CACNA2D3: variants seen among roughly 807,000 people sequenced by gnomAD.
CACNA2D3 encodes calcium voltage-gated channel auxiliary subunit alpha2delta 3.
In CACNA2D3, 60 loss-of-function variants were observed where a neutral mutation model predicts 160.6. The observed-to-expected ratio is 0.37, with a 90% CI of 0.30 to 0.46. The LOEUF (loss-of-function observed/expected upper bound fraction) is 0.46. Ranked by LOEUF, CACNA2D3 falls within the 20% of genes least tolerant of loss-of-function variation. The pLI is 1.00. For missense variants in CACNA2D3, 1,205 were observed against 1,365.0 expected (o/e 0.88, Z 1.85); for synonymous variants, 558 against 492.9 (o/e 1.13, Z -1.75).
At chr3:54,676,537 C>T (rs999260326) in intron 11 of CACNA2D3, among the ~76,000 whole-genome samples, 1 of 152,030 alleles carries the variant, frequency 6.6e-6, no homozygotes, top group African/African-American at 2.4e-5. Context: ...GTGTAGAGGG[C>T]AGAAGGGTTC....
intron 27 of CACNA2D3, among the ~76,000 whole-genome samples, chr3:54,964,387 A>G (rs1814034): frequency 0.38 from 58,475 of 151,934 alleles, 12,852 homozygotes; most frequent in East Asian, 0.56. Flanking sequence ...TGTCTAAAAC[A>G]TTACAAACCC....
chr3:54,769,021 C>T (rs1323600346), intron 13 of CACNA2D3, among the ~76,000 whole-genome samples: 1 of 152,142 alleles, frequency 6.6e-6, no homozygotes, highest in Non-Finnish European at 1.5e-5. Flanking sequence ...GCTGCTGCTT[C>T]AACAGGTACC....
intron 2 of CACNA2D3, among the ~76,000 whole-genome samples, chr3:54,315,341 A>G (rs1043174222): frequency 2.6e-5 from 4 of 152,232 alleles, no homozygotes; most frequent in Admixed American, 2.6e-4. Flanking sequence ...GTGACTTCAC[A>G]TGTGACCTGA....
At chr3:54,187,074 T>G (rs1399876270) in intron 2 of CACNA2D3, among the ~76,000 whole-genome samples, 1 of 152,222 alleles carries the variant, frequency 6.6e-6, no homozygotes, top group Admixed American at 6.5e-5. Flanking sequence ...CTCCTGCTGC[T>G]GCTGTCCCTG....
At chr3:54,415,002 G>A (rs1017811125) in intron 4 of CACNA2D3, among the ~76,000 whole-genome samples, 2 of 151,916 alleles carry the variant, frequency 1.3e-5, no homozygotes, top group Non-Finnish European at 1.5e-5. Flanking sequence ...GTGTGATTGC[G>A]GTGTTTCAGA....
chr3:54,285,410 T>C (rs1034224107), intron 2 of CACNA2D3, among the ~76,000 whole-genome samples: 12 of 152,110 alleles, frequency 7.9e-5, no homozygotes, highest in African/African-American at 2.9e-4. Flanking sequence ...CCAGGCTTGA[T>C]TAGGTAAACA....
rs1167419900 is a variant in CACNA2D3, at chr3:54,303,816, C to CTGTTTTT, written c.205-16624_205-16618dup. On this transcript the variant is annotated intron_variant, in intron 2 of 37. Transcript: ENST00000474759. ...GTCAGCCTCATCAGTGACTTTTTTT[C>CTGTTTTT]TGTTTTTTTTTTTTTTTTTTTTCTA... Among the ~76,000 whole-genome samples the CTGTTTTT allele has an allele frequency of 3.9e-3, 237 of 60,732 alleles. 10 individuals carry two copies. Among genetic ancestry groups the CTGTTTTT allele is most frequent in the South Asian group, 4.9e-3 (12 of 2,452 alleles). The allele number at this position is 60,732 out of a possible 152,430, so 39.8% of individuals were successfully genotyped here. A position where few individuals can be genotyped will look rare whatever the true frequency, so the allele number is the denominator to read the frequency against.
chr3:55,049,534 A>G (rs1234206667), intron 35 of CACNA2D3, among the ~76,000 whole-genome samples: 16 of 140,758 alleles, frequency 1.1e-4, no homozygotes, highest in Non-Finnish European at 2.0e-4. Flanking sequence ...TATGTGGTCA[A>G]TTTTGGAATA....
intron 4 of CACNA2D3, among the ~76,000 whole-genome samples, chr3:54,394,292 C>A (rs909359685): frequency 4.6e-5 from 7 of 151,520 alleles, no homozygotes; most frequent in African/African-American, 7.3e-5. Context: ...GGCAATCTGC[C>A]TGCAACCCTG....
intron 27 of CACNA2D3, among the ~76,000 whole-genome samples, chr3:54,921,638 T>C (rs189362494): frequency 1.4e-4 from 21 of 152,236 alleles, no homozygotes; most frequent in Admixed American, 1.1e-3. Flanking sequence ...TAATGCCACC[T>C]CCAGGCCATA....
At chr3:54,144,457 CTG>C (rs1699990027) in intron 2 of CACNA2D3, among the ~76,000 whole-genome samples, 1 of 152,212 alleles carries the variant, frequency 6.6e-6, no homozygotes, top group Non-Finnish European at 1.5e-5. Flanking sequence ...TCTCGCTGCC[CTG>C]TGTGTGTGCA....
At chr3:55,006,277 A>G (rs1050037749) in intron 32 of CACNA2D3, among the ~76,000 whole-genome samples, 4 of 152,170 alleles carry the variant, frequency 2.6e-5, no homozygotes, top group African/African-American at 4.8e-5. Context: ...TATTGAGCCA[A>G]TGCCTGGCAT....
chr3:54,159,638 G>A (rs1040701488), intron 2 of CACNA2D3, among the ~76,000 whole-genome samples: 1 of 152,062 alleles, frequency 6.6e-6, no homozygotes, highest in African/African-American at 2.4e-5. Context: ...AGTTCCCATG[G>A]GCTTAACACT....
At chr3:54,925,385 G>C (rs1028285184) in intron 27 of CACNA2D3, among the ~76,000 whole-genome samples, 6 of 152,212 alleles carry the variant, frequency 3.9e-5, no homozygotes, top group African/African-American at 1.4e-4. Context: ...AGGCTGGTCA[G>C]AGTACATCCC....
intron 27 of CACNA2D3, among the ~76,000 whole-genome samples, chr3:54,956,541 G>C (rs7649203): frequency 0.014 from 2,137 of 152,196 alleles, 49 homozygotes; most frequent in African/African-American, 0.049. Context: ...CTAGGATTTT[G>C]TGCACAGCCA....
Position 54,569,782 on chromosome 3 carries a change from A to T in CACNA2D3, c.677-13A>T. The stretch of plus-strand genomic sequence containing the variant: ...AAGTTTCTGGGTTTCTCATAACCCC[A>T]TTTTTCTTCTAGGGATTAAATGGGA... On this transcript the variant is annotated splice_polypyrimidine_tract_variant and intron_variant, in intron 6 of 37. Transcript: ENST00000474759. 1 of 1,581,450 alleles carries T rather than the reference A, an allele frequency of 6.3e-7. No individual in the cohort carries two copies. Among genetic ancestry groups the T allele is most frequent in the Non-Finnish European group, 8.6e-7 (1 of 1,161,448 alleles).
At chr3:54,308,336 G>A (rs1435793918) in intron 2 of CACNA2D3, among the ~76,000 whole-genome samples, 1 of 152,166 alleles carries the variant, frequency 6.6e-6, no homozygotes, top group East Asian at 1.9e-4. Flanking sequence ...TGGACTATGT[G>A]TCTAATTACT....
At chr3:54,681,382 CAAAAAAAAAAAAAA>C (rs565556596) in intron 11 of CACNA2D3, among the ~76,000 whole-genome samples, 4 of 62,100 alleles carry the variant, frequency 6.4e-5, no homozygotes, top group East Asian at 1.4e-3. Context: ...ACTAAAAATA[CAAAAAAAAAAAAAA>C]AAAAAAAAAA....
intron 11 of CACNA2D3, among the ~76,000 whole-genome samples, chr3:54,697,879 AT>A (rs1295115336): frequency 2.6e-5 from 4 of 152,014 alleles, no homozygotes; most frequent in South Asian, 2.1e-4. Context: ...TTAGCCAGAC[AT>A]TTTTTTTTTC....
Sources: allele counts gnomAD v4.1 joint callset (sites outside exome capture counted in the v4.1 genomes callset), GRCh38; gene constraint gnomAD v4.1.1; transcripts MANE v1.5; gene names NCBI Gene and HGNC (gene_info 2026-07-23, HGNC 2026-07-21).